Variants in PRKX observed in about 807,000 individuals in gnomAD.
The protein encoded by PRKX is protein kinase cAMP-dependent X-linked catalytic subunit, also known as cAMP-dependent protein kinase catalytic subunit PRKX.
PRKX carries 12 observed loss-of-function variants against 22.0 expected under a neutral mutation model. The observed-to-expected ratio is 0.54, with a 90% CI of 0.35 to 0.88. The LOEUF is 0.88. Ranked by LOEUF, PRKX falls within the 40% of genes least tolerant of loss-of-function variation. The probability of loss-of-function intolerance (pLI) is 0.01; values close to 1 mark genes in which losing one functional copy is unlikely to be tolerated. For missense variants in PRKX, 217 were observed against 308.0 expected, an observed-to-expected ratio of 0.70 and a Z score of 2.21; for synonymous variants, 134 against 137.7, an observed-to-expected ratio of 0.97 and a Z score of 0.19.
intron 1 of PRKX, among the ~76,000 whole-genome samples, chrX:3,705,429 T>A (rs1303243610): frequency 9.0e-6 from 1 of 110,835 alleles, no homozygotes; most frequent in East Asian, 2.9e-4. Flanking sequence ...ACAAATATGA[T>A]GATGGTGGCC....
intron 3 of PRKX, among the ~76,000 whole-genome samples, chrX:3,654,043 T>A (rs868057191): frequency 1.2e-5 from 1 of 82,973 alleles, no homozygotes; most frequent in Admixed American, 1.8e-4. Context: ...AATATATATA[T>A]TATATATATT....
At chrX:3,667,662 C>G (rs923869865) in intron 2 of PRKX, among the ~76,000 whole-genome samples, 3 of 111,036 alleles carry the variant, frequency 2.7e-5, no homozygotes, top group Non-Finnish European at 3.8e-5. Context: ...AAATGCACAG[C>G]TGAGCCAGAG....
chrX:3,618,001 A>G (rs1299310759), intron 6 of PRKX, among the ~76,000 whole-genome samples: 2 of 95,718 alleles, frequency 2.1e-5, no homozygotes, highest in African/African-American at 4.0e-5. Flanking sequence ...TCCAGGCTGG[A>G]GGGCATGGCG....
At chrX:3,624,880 T>C (rs1235522267) in intron 5 of PRKX, among the ~76,000 whole-genome samples, 1 of 111,326 alleles carries the variant, frequency 9.0e-6, no homozygotes, top group African/African-American at 3.3e-5. Flanking sequence ...CCACTTCGGA[T>C]TGCTCCTGAA....
intron 4 of PRKX, among the ~76,000 whole-genome samples, chrX:3,641,186 T>G (rs746513793): frequency 8.9e-6 from 1 of 112,119 alleles, no homozygotes; most frequent in Non-Finnish European, 1.9e-5. Context: ...TTATGGACTT[T>G]CCCCAAATTC....
chrX:3,706,082 C>A (rs1324954389), intron 1 of PRKX, among the ~76,000 whole-genome samples: 1 of 109,064 alleles, frequency 9.2e-6, no homozygotes, highest in East Asian at 2.9e-4. Context: ...TTCAACTTTA[C>A]ATATGCGATT....
At chrX:3,685,480 TC>T (rs1458358736) in intron 1 of PRKX, among the ~76,000 whole-genome samples, 1 of 111,420 alleles carries the variant, frequency 9.0e-6, no homozygotes, top group Non-Finnish European at 1.9e-5. Context: ...GGGATCATAA[TC>T]TTTACCCCCA....
At chrX:3,650,433 A>G (rs1369478099) in intron 3 of PRKX, among the ~76,000 whole-genome samples, 1 of 96,912 alleles carries the variant, frequency 1.0e-5, no homozygotes, top group Non-Finnish European at 2.0e-5. Flanking sequence ...AGGCAGGAGA[A>G]TGGCGTGAAC....
At chrX:3,698,452 G>C (rs746954087) in intron 1 of PRKX, among the ~76,000 whole-genome samples, 1 of 111,104 alleles carries the variant, frequency 9.0e-6, no homozygotes, top group Non-Finnish European at 1.9e-5. Flanking sequence ...CTCCCAAAAT[G>C]GTGCAATTAC....
intron 2 of PRKX, among the ~76,000 whole-genome samples, chrX:3,673,120 C>T (rs1235268330): frequency 9.0e-6 from 1 of 111,638 alleles, no homozygotes; most frequent in Non-Finnish European, 1.9e-5. Context: ...TGCACTTGTT[C>T]CAGTACACAC....
chrX:3,705,909 C>T (rs1186963908), intron 1 of PRKX, among the ~76,000 whole-genome samples: 1 of 106,293 alleles, frequency 9.4e-6, no homozygotes, highest in Non-Finnish European at 1.9e-5. Context: ...CCAGGATGGT[C>T]TCGATCTCCT....
chrX:3,615,037 G>A (rs865819342), intron 7 of PRKX, among the ~76,000 whole-genome samples: 1 of 8,142 alleles, frequency 1.2e-4, no homozygotes, highest in Non-Finnish European at 2.2e-4. Context: ...TTTTTTTTTT[G>A]AGACAGGGTC....
chrX:3,670,588 C>T (rs1040918194), intron 2 of PRKX, among the ~76,000 whole-genome samples: 10 of 111,603 alleles, frequency 9.0e-5, no homozygotes, highest in African/African-American at 2.6e-4. Context: ...CTCTGTCCCC[C>T]AGGCTGGAGT....
chrX:3,710,950 A>G (rs1257011946), intron 1 of PRKX, among the ~76,000 whole-genome samples: 2 of 111,750 alleles, frequency 1.8e-5, no homozygotes, highest in African/African-American at 6.5e-5. Flanking sequence ...GCCTTGGAAA[A>G]CAGTCCAAAG....
At chrX:3,629,928 G>A (rs866682265) in intron 4 of PRKX, among the ~76,000 whole-genome samples, 6 of 112,057 alleles carry the variant, frequency 5.4e-5, no homozygotes, top group Middle Eastern at 4.6e-3. Context: ...AAAGCTGACC[G>A]AAGCTCTTTG....
intron 2 of PRKX, among the ~76,000 whole-genome samples, chrX:3,665,930 A>C (rs1927715025): frequency 1.0e-5 from 1 of 99,275 alleles, no homozygotes; most frequent in African/African-American, 3.6e-5. Context: ...ATGGATGGGG[A>C]TGGGGATGGG....
intron 3 of PRKX, among the ~76,000 whole-genome samples, chrX:3,654,046 T>C (rs1253124035): frequency 2.4e-5 from 2 of 83,263 alleles, no homozygotes; most frequent in Non-Finnish European, 4.2e-5. Flanking sequence ...ATATATATTA[T>C]ATATATTATA....
chrX:3,676,708 C>G (rs960374683), intron 1 of PRKX, among the ~76,000 whole-genome samples: 8 of 111,772 alleles, frequency 7.2e-5, no homozygotes, highest in African/African-American at 2.6e-4. Flanking sequence ...GCTGTGTCCC[C>G]ACCCAAGTCT....
chrX:3,673,949 C>T (rs756276642), intron 2 of PRKX, among the ~76,000 whole-genome samples: 42 of 111,213 alleles, frequency 3.8e-4, no homozygotes, highest in African/African-American at 1.2e-3. Flanking sequence ...AACCAGGAAG[C>T]GGGTCCTCGC....
Sources: allele counts gnomAD v4.1 joint callset (sites outside exome capture counted in the v4.1 genomes callset), GRCh38; gene constraint gnomAD v4.1.1; transcripts MANE v1.5; gene names NCBI Gene and HGNC (gene_info 2026-07-23, HGNC 2026-07-21).